MEIS2: variants seen among roughly 807,000 people sequenced by gnomAD.
The protein encoded by MEIS2 is Meis homeobox 2, also known as homeobox protein Meis2.
Under a neutral mutation model 58.6 loss-of-function variants are expected in MEIS2, and 9 were observed. The observed-to-expected ratio is 0.15, with a 90% CI of 0.09 to 0.27. MEIS2 has a LOEUF of 0.27. MEIS2 is among the 10% of genes least tolerant of loss of function. MEIS2 has a pLI of 1.00. For missense variants in MEIS2, 427 were observed against 635.0 expected (o/e 0.67, Z 3.52); for synonymous variants, 221 against 228.4 (o/e 0.97, Z 0.29).
intron 7 of MEIS2, among the ~76,000 whole-genome samples, chr15:37,052,595 A>C (rs554820683): frequency 2.6e-5 from 4 of 152,346 alleles, no homozygotes; most frequent in African/African-American, 9.6e-5. Context: ...GTCACTTACT[A>C]TCGGCCAATT....
chr15:37,037,283 G>A (rs974636131), intron 7 of MEIS2, among the ~76,000 whole-genome samples: 9 of 152,126 alleles, frequency 5.9e-5, no homozygotes, highest in Non-Finnish European at 1.3e-4. Flanking sequence ...CAGTGGAAAC[G>A]CATCCCCATG....
intron 8 of MEIS2, among the ~76,000 whole-genome samples, chr15:37,020,762 A>G (rs1490953062): frequency 6.6e-6 from 1 of 151,854 alleles, no homozygotes; most frequent in Non-Finnish European, 1.5e-5. Flanking sequence ...GGGAAAAAAA[A>G]ACCCATAAAC....
At chr15:37,038,847 C>T (rs1259613688) in intron 7 of MEIS2, among the ~76,000 whole-genome samples, 2 of 152,180 alleles carry the variant, frequency 1.3e-5, no homozygotes, top group Non-Finnish European at 2.9e-5. Flanking sequence ...ACACGCACAC[C>T]CAAGCTCGTG....
Position 36,895,200 on chromosome 15 carries a change from CATGGGCTGA to C in MEIS2, c.1089_1097del (p.Gln364_Met366del). 6.2e-7 allele frequency: 1 copy of C among 1,614,174 alleles called. No homozygotes were observed. Among genetic ancestry groups the C allele is most frequent in the Non-Finnish European group, 8.5e-7 (1 of 1,180,042 alleles). The stretch of plus-strand genomic sequence containing the variant: ...GCTGACCATCCAACACAAAGCTCCC[CATGGGCTGA>C]CCCTCTGGACTATATGCTGCTCCTT... On this transcript the variant is annotated inframe_deletion, in exon 11 of 12. Transcript: ENST00000561208.
intron 7 of MEIS2, among the ~76,000 whole-genome samples, chr15:37,041,602 C>T (rs2062425562): frequency 6.6e-6 from 1 of 152,040 alleles, no homozygotes; most frequent in Non-Finnish European, 1.5e-5. Flanking sequence ...GAAGCTAAAT[C>T]CTGGGATACC....
chr15:36,916,961 TAGTA>T (rs1476381741), intron 9 of MEIS2, among the ~76,000 whole-genome samples: 13 of 152,140 alleles, frequency 8.5e-5, no homozygotes, highest in Non-Finnish European at 1.5e-5. Context: ...ATTCACCAGT[TAGTA>T]AGTGGCAGAA....
chr15:37,077,909 A>G (rs1891630499), intron 7 of MEIS2, among the ~76,000 whole-genome samples: 1 of 152,104 alleles, frequency 6.6e-6, no homozygotes, highest in African/African-American at 2.4e-5. Context: ...CTAACACGCC[A>G]CCAGAGCTTT....
In MEIS2 at chr15:36,930,233, G is replaced by GAA. The variant is rs944116128; in HGVS notation, c.977+20089_977+20090dup. Reference sequence around the variant, plus strand: ...AAAAAAAAAAAAAGAGAGAGAGAGAGAAAAAAAAAGTTATCCACAGAGAAT... The same window carrying GAA: ...AAAAAAAAAAAAAGAGAGAGAGAGAGAAAAAAAAAAAGTTATCCACAGAGAAT... On this transcript the variant is annotated intron_variant, in intron 9 of 11. Transcript: ENST00000561208. 7.4e-3 allele frequency among the ~76,000 whole-genome samples: 1,015 copies of GAA among 137,524 alleles called. 36 individuals carry two copies. The highest frequency in any genetic ancestry group is 0.051 in the Admixed American group (692 of 13,650). 90.2% of individuals were successfully genotyped at this position (137,524 alleles called of 152,430 possible). A position where few individuals can be genotyped will look rare whatever the true frequency, so the allele number is the denominator to read the frequency against.
At chr15:37,091,447 G>A (rs1384123930) in intron 6 of MEIS2, among the ~76,000 whole-genome samples, 2 of 152,100 alleles carry the variant, frequency 1.3e-5, no homozygotes, top group Non-Finnish European at 2.9e-5. Context: ...GGAAATAAAA[G>A]GCTTTAAATT....
chr15:37,041,312 C>A (rs1233847616), intron 7 of MEIS2, among the ~76,000 whole-genome samples: 1 of 152,184 alleles, frequency 6.6e-6, no homozygotes, highest in Non-Finnish European at 1.5e-5. Flanking sequence ...CACTCTAGCT[C>A]GAGAACCACT....
At chr15:36,893,336 C>G (rs577702920) in intron 11 of MEIS2, among the ~76,000 whole-genome samples, 1 of 152,298 alleles carries the variant, frequency 6.6e-6, no homozygotes, top group African/African-American at 2.4e-5. Context: ...AGTTGAAAAG[C>G]TGAACAGATG....
intron 1 of MEIS2, among the ~76,000 whole-genome samples, chr15:37,098,682 A>G (rs1393510940): frequency 6.6e-6 from 1 of 152,082 alleles, no homozygotes; most frequent in African/African-American, 2.4e-5. Flanking sequence ...ACGGAGGGAG[A>G]AGTGGAGTTA....
intron 7 of MEIS2, among the ~76,000 whole-genome samples, chr15:37,081,119 T>C (rs1342939020): frequency 6.6e-6 from 1 of 152,134 alleles, no homozygotes; most frequent in African/African-American, 2.4e-5. Context: ...GCTATTAAAG[T>C]TTAATTTAAA....
At chr15:37,009,065 A>G (rs1185352203) in intron 8 of MEIS2, among the ~76,000 whole-genome samples, 4 of 152,200 alleles carry the variant, frequency 2.6e-5, no homozygotes, top group Middle Eastern at 3.4e-3. Flanking sequence ...CGAGGCGGGC[A>G]GATCACAAGG....
intron 7 of MEIS2, among the ~76,000 whole-genome samples, chr15:37,052,159 C>T (rs187769409): frequency 3.3e-5 from 5 of 152,284 alleles, no homozygotes; most frequent in African/African-American, 1.2e-4. Flanking sequence ...AGACTGAGCA[C>T]TCTCAAGATT....
intron 8 of MEIS2, among the ~76,000 whole-genome samples, chr15:36,987,384 G>A (rs1302975300): frequency 6.8e-6 from 1 of 147,996 alleles, no homozygotes. Context: ...CTCCAGTGTG[G>A]GCAACGGAGC....
chr15:36,981,558 G>A (rs1036244002), intron 8 of MEIS2, among the ~76,000 whole-genome samples: 2 of 151,968 alleles, frequency 1.3e-5, no homozygotes, highest in Non-Finnish European at 2.9e-5. Context: ...ACAGTGTGAG[G>A]CTTTGATATG....
chr15:36,930,734 C>T (rs1322740549), intron 9 of MEIS2, among the ~76,000 whole-genome samples: 1 of 152,162 alleles, frequency 6.6e-6, no homozygotes, highest in East Asian at 1.9e-4. Context: ...GGGACACTAA[C>T]TTTAAATGTA....
At chr15:37,056,280 G>C (rs909899491) in intron 7 of MEIS2, among the ~76,000 whole-genome samples, 1 of 152,158 alleles carries the variant, frequency 6.6e-6, no homozygotes. Flanking sequence ...ATTTTCAGAA[G>C]TTAATGAGAC....
Sources: allele counts gnomAD v4.1 joint callset (sites outside exome capture counted in the v4.1 genomes callset), GRCh38; gene constraint gnomAD v4.1.1; transcripts MANE v1.5; gene names NCBI Gene and HGNC (gene_info 2026-07-23, HGNC 2026-07-21).